The following IRS2 variants were observed in gnomAD, a reference collection of about 807,000 sequenced individuals.
IRS2 encodes insulin receptor substrate 2.
Under a neutral mutation model 70.9 loss-of-function variants are expected in IRS2, and 28 were observed. The ratio of observed to expected loss-of-function variants is 0.39; its 90% confidence interval spans 0.29 to 0.54. The LOEUF (loss-of-function observed/expected upper bound fraction) is 0.54, where lower values mean the gene tolerates loss of function less well. Ranked by LOEUF, IRS2 falls within the 20% of genes least tolerant of loss-of-function variation. The pLI is 0.59. For synonymous variants in IRS2, 1,217 were observed against 981.9 expected, an observed-to-expected ratio of 1.24 and a Z score of -4.48; for missense variants, 2,081 against 2,024.1, an observed-to-expected ratio of 1.03 and a Z score of -0.54.
At position 109,753,928 on chromosome 13, in the gene IRS2, C is replaced by T. The variant is rs556124400; in HGVS notation, c.*2376G>A. The T allele has an allele frequency of 1.3e-5, 3 of 232,050 alleles. No individual in the cohort carries two copies. The highest frequency in any genetic ancestry group is 6.6e-5 in the African/African-American group (3 of 45,362). The allele number at this position is 232,050 out of a possible 1,614,324, so 14.4% of individuals were successfully genotyped here. ...TACAGACTAAATACAATGCACTATT[C>T]TAGTCCAGTTTATTCTCGTCTCCAG... On this transcript the variant is annotated 3_prime_UTR_variant, in exon 2 of 2. Coordinates refer to ENST00000375856, the MANE Select transcript of IRS2 (RefSeq NM_003749.3).
At position 109,785,539 on chromosome 13, in the gene IRS2, C is replaced by T. The variant is rs775473608; in HGVS notation, c.515G>A (p.Gly172Asp). The T allele has an allele frequency of 8.3e-6, 13 of 1,565,504 alleles. No individual in the cohort carries two copies. The South Asian group carries it at 1.5e-4, about 18-fold the overall frequency. The change falls in exon 1 of 2, where the codon GGC becomes GAC. Residue 172 changes from glycine to aspartate, a missense_variant. This residue lies in a region of IRS2 where 320 missense variants were observed against 352.9 expected (regional missense o/e 0.91). Coordinates refer to ENST00000375856, the MANE Select transcript of IRS2 (RefSeq NM_003749.3). The surrounding 1 kb of genome is among the most constrained non-coding windows in gnomAD (Gnocchi z 9.3). ...SCSASLPGALGGSAGAAGAED... is the reference protein window; with the variant it reads ...SCSASLPGALDGSAGAAGAED... ...GGCCCCGGCGGCGCCGGCAGAGCCG[C>T]CCAGGGCGCCGGGCAGGGAGGCGCT...
chr13:109,774,536 C>G lies in IRS2; in HGVS notation c.4012+7506G>C, dbSNP rs564364984. Among the ~76,000 whole-genome samples, 4 of 152,196 alleles carry G rather than the reference C, an allele frequency of 2.6e-5. No individual in the cohort carries two copies. The East Asian group carries it at 7.7e-4, about 29-fold the overall frequency. Reference sequence around the variant, plus strand: ...ATATTAACTTAAATGTTGCTTGAGGCAAGGGTCTAGGATAAAATCCTAATG... The same window carrying G: ...ATATTAACTTAAATGTTGCTTGAGGGAAGGGTCTAGGATAAAATCCTAATG... On this transcript the variant is annotated intron_variant, in intron 1 of 1. Transcript: ENST00000375856.
At chr13:109,760,532 T>C (rs1209185440) in intron 1 of IRS2, among the ~76,000 whole-genome samples, 1 of 152,234 alleles carries the variant, frequency 6.6e-6, no homozygotes, top group Non-Finnish European at 1.5e-5. Flanking sequence ...ATGAGAGTTG[T>C]TCCATGTGAC....
At chr13:109,773,593 T>C (rs1456196165) in intron 1 of IRS2, among the ~76,000 whole-genome samples, 1 of 152,260 alleles carries the variant, frequency 6.6e-6, no homozygotes, top group African/African-American at 2.4e-5. Context: ...TTGTTTCCTT[T>C]TCTTTGATAA....
rs992825105 is a variant in IRS2 at position 109,782,890 on chromosome 13, C to G, written c.3164G>C (p.Gly1055Ala). 1.9e-6 allele frequency: 3 copies of G among 1,558,302 alleles called. No homozygotes were observed. Among genetic ancestry groups the G allele is most frequent in the Non-Finnish European group, 2.6e-6 (3 of 1,151,608 alleles). The part of the protein sequence containing the change: ...PPASAVATAQ[G>A]PGAASSLSSD... ...GGACAACGATGAGGCGGCGCCCGGG[C>G]CCTGGGCGGTGGCAACGGCCGAGGC... is the stretch of plus-strand genomic sequence containing the variant. Residue 1055 changes from glycine to alanine, a missense_variant, in exon 1 of 2, where the codon GGC becomes GCC. Around this residue, in one of 4 missense-constraint regions of IRS2, gnomAD observed 1,615 missense variants for 1,459.5 expected, o/e 1.11. Transcript: ENST00000375856.
intron 1 of IRS2, among the ~76,000 whole-genome samples, chr13:109,760,945 G>C (rs1877211940): frequency 6.6e-6 from 1 of 152,232 alleles, no homozygotes; most frequent in African/African-American, 2.4e-5. Context: ...CCTAGAACAT[G>C]TTGGAAATAA....
rs1405112911 is a variant in IRS2, at chr13:109,784,804, G to T, written c.1250C>A (p.Ala417Glu). 4 of 1,273,796 alleles carry T rather than the reference G, an allele frequency of 3.1e-6. No individual in the cohort carries two copies. The highest frequency in any genetic ancestry group is 3.1e-4 in the Middle Eastern group (1 of 3,278). The allele number at this position is 1,273,796 out of a possible 1,614,324, so 78.9% of individuals were successfully genotyped here. A position where few individuals can be genotyped will look rare whatever the true frequency, so the allele number is the denominator to read the frequency against. The change falls in exon 1 of 2, where the codon GCG (alanine) becomes GAG (glutamate). Residue 417 changes from alanine to glutamate, a missense_variant. Transcript: ENST00000375856. This position sits in a 1 kb window ranked among gnomAD's most constrained non-coding sequence, Gnocchi z 5.2. ...GGCGGRGSKV[A>E]LLPAGGALQH... ...CAGCGCGCCCCCTGCCGGCAGCAGCGCCACCTTGCTCCCGCGGCCGCCGCA... is the reference window on the plus strand; with the variant it reads ...CAGCGCGCCCCCTGCCGGCAGCAGCTCCACCTTGCTCCCGCGGCCGCCGCA...
chr13:109,785,835 G>C lies in IRS2; in HGVS notation c.219C>G (p.Leu73=), dbSNP rs1364090847. The C allele has an allele frequency of 7.8e-6, 12 of 1,545,372 alleles. No homozygotes were observed. The highest frequency in any genetic ancestry group is 1.2e-5 in the South Asian group (1 of 85,382). Residue 73 remains leucine (L), a synonymous_variant, in exon 1 of 2, where the codon CTC becomes CTG. Transcript: ENST00000375856. The surrounding 1 kb of genome is among the most constrained non-coding windows in gnomAD (Gnocchi z 9.3). ...ACTTTTTCTCGCTCTCGTAGTACTC[G>C]AGCCGCGGCGGTTGCGGCGCCGACC... The part of the protein sequence containing the change: ...GGGSAPQPPR[L]EYYESEKKWR...
chr13:109,774,167 C>G (rs1334642939), intron 1 of IRS2, among the ~76,000 whole-genome samples: 1 of 152,064 alleles, frequency 6.6e-6, no homozygotes, highest in Non-Finnish European at 1.5e-5. Context: ...AGGTATCTTA[C>G]CAAGTATCAT....
intron 1 of IRS2, among the ~76,000 whole-genome samples, chr13:109,775,902 C>A (rs1430239899): frequency 6.6e-6 from 1 of 152,152 alleles, no homozygotes; most frequent in African/African-American, 2.4e-5. Context: ...GCAATCCCAG[C>A]ACTTTGAGAG....
rs1328054135 is a variant in IRS2 at position 109,785,362 on chromosome 13, A to T, written c.692T>A (p.Leu231His). The change falls in exon 1 of 2, where the codon CTC becomes CAC. Residue 231 changes from leucine (L) to histidine (H), a missense_variant. Physicochemically the swap from Leu to His is moderately conservative, Grantham distance 99 (BLOSUM62 -3). This residue lies in a region of IRS2 where 320 missense variants were observed against 352.9 expected (regional missense o/e 0.91). Transcript: ENST00000375856. The surrounding 1 kb of genome is among the most constrained non-coding windows in gnomAD (Gnocchi z 9.3). Reference protein sequence around the residue: ...LSARTIGFVKLNCEQPSVTLQ... With the variant: ...LSARTIGFVKHNCEQPSVTLQ... The stretch of plus-strand genomic sequence containing the variant: ...CGTCACCGACGGCTGCTCGCAGTTG[A>T]GCTTCACGAAGCCGATGGTGCGCGC... 1 of 1,612,206 alleles carries T rather than the reference A, an allele frequency of 6.2e-7. No individual in the cohort carries two copies. The highest frequency in any genetic ancestry group is 8.5e-7 in the Non-Finnish European group (1 of 1,179,802).
In IRS2 at chr13:109,786,125, G is replaced by T; in HGVS notation, c.-72C>A. ...GGGGCGAGGGGCGGAGGGGGCGCGG[G>T]CGGGGGCGGCTCCCTCCCACCCTTG... On this transcript the variant is annotated 5_prime_UTR_variant, in exon 1 of 2. Transcript: ENST00000375856. This position sits in a 1 kb window ranked among gnomAD's most constrained non-coding sequence, Gnocchi z 4.4. 7 of 880,510 alleles carry T rather than the reference G, an allele frequency of 7.9e-6. No homozygotes were observed. The highest frequency in any genetic ancestry group is 8.1e-6 in the Non-Finnish European group (6 of 736,546). The allele number at this position is 880,510 out of a possible 1,614,324, so 54.5% of individuals were successfully genotyped here.
Position 109,785,522 on chromosome 13 carries a change from C to G in IRS2, c.532G>C (p.Ala178Pro). 2 of 1,599,484 alleles carry G rather than the reference C, an allele frequency of 1.3e-6. No individual in the cohort carries two copies. The highest frequency in any genetic ancestry group is 1.7e-6 in the Non-Finnish European group (2 of 1,173,600). Residue 178 changes from alanine (A) to proline (P), a missense_variant, in exon 1 of 2, where the codon GCC becomes CCC. This residue lies in a region of IRS2 where 320 missense variants were observed against 352.9 expected (regional missense o/e 0.91). Coordinates refer to ENST00000375856, the MANE Select transcript of IRS2 (RefSeq NM_003749.3). The surrounding 1 kb of genome is among the most constrained non-coding windows in gnomAD (Gnocchi z 9.3). ...PGALGGSAGA[A>P]GAEDSYGLVA... ...AGCCCGTAGCTGTCCTCGGCCCCGG[C>G]GGCGCCGGCAGAGCCGCCCAGGGCG...
rs752903655 is a variant in IRS2, at chr13:109,782,481, A to G, written c.3573T>C (p.Gly1191=). 6.4e-7 allele frequency: 1 copy of G among 1,557,392 alleles called. No individual in the cohort carries two copies. Among genetic ancestry groups the G allele is most frequent in the Admixed American group, 1.9e-5 (1 of 52,222 alleles). ...GCTCGTCGCCCCCTCCAGGGCCGAC[A>G]CCCACGCCGCCCTCGCTGCTTTTCC... ...SLRKSSEGGV[G]VGPGGGDEPP... The change falls in exon 1 of 2, where the codon GGT becomes GGC. Residue 1191 remains glycine (G), a synonymous_variant. Coordinates refer to ENST00000375856, the MANE Select transcript of IRS2 (RefSeq NM_003749.3).
In IRS2 at chr13:109,783,312, C is replaced by T; in HGVS notation, c.2742G>A (p.Lys914=). 1.3e-6 allele frequency: 2 copies of T among 1,549,606 alleles called. No homozygotes were observed. Among genetic ancestry groups the T allele is most frequent in the African/African-American group, 1.4e-5 (1 of 70,868 alleles). The stretch of plus-strand genomic sequence containing the variant: ...CGATGTTGATGTACTCGCCGGGGCT[C>T]TTGGGCTCCGGTGGCAGTGGGTACT... ...MHEYPLPPEP[K]SPGEYINIDF... is the part of the protein sequence containing the mutation. The change falls in exon 1 of 2, where the codon AAG becomes AAA. Residue 914 remains lysine (K), a synonymous_variant. Transcript: ENST00000375856.
In IRS2 at chr13:109,752,717, T is replaced by G. The variant is rs1410251425; in HGVS notation, c.*3587A>C. The G allele has an allele frequency of 6.6e-6, 1 of 152,204 alleles. No individual in the cohort carries two copies. The highest frequency in any genetic ancestry group is 2.4e-5 in the African/African-American group (1 of 41,438). 9.4% of individuals were successfully genotyped at this position (152,204 alleles called of 1,614,324 possible). A position where few individuals can be genotyped will look rare whatever the true frequency, so the allele number is the denominator to read the frequency against. The stretch of plus-strand genomic sequence containing the variant: ...ACCTTCCAAATTGCACTGATTTTAT[T>G]TGTTCAAAAGATAACACACACATTA... On this transcript the variant is annotated 3_prime_UTR_variant, in exon 2 of 2. Coordinates refer to ENST00000375856, the MANE Select transcript of IRS2 (RefSeq NM_003749.3).
intron 1 of IRS2, among the ~76,000 whole-genome samples, chr13:109,774,031 A>G (rs564269614): frequency 6.6e-6 from 1 of 152,340 alleles, no homozygotes; most frequent in South Asian, 2.1e-4. Flanking sequence ...AACCTTAAAT[A>G]ACTAAGTTAC....
rs1055890749 is a variant in IRS2, at chr13:109,756,398, T to G, written c.4013-90A>C. ...AGAAAGGGCCCCTCTAACCCACAGC[T>G]AGGACCTGGGTCATTTTCATAAACT... is the stretch of plus-strand genomic sequence containing the variant. On this transcript the variant is annotated intron_variant, in intron 1 of 1. Transcript: ENST00000375856. 5 of 1,055,538 alleles carry G rather than the reference T, an allele frequency of 4.7e-6. No homozygotes were observed. The Admixed American group carries it at 5.1e-5, about 11-fold the overall frequency. 65.4% of individuals were successfully genotyped at this position (1,055,538 alleles called of 1,614,324 possible).
At chr13:109,771,568 G>A (rs1877452021) in intron 1 of IRS2, among the ~76,000 whole-genome samples, 1 of 152,180 alleles carries the variant, frequency 6.6e-6, no homozygotes, top group African/African-American at 2.4e-5. Flanking sequence ...ATATAGAACT[G>A]GAAGAGGGTA....
Sources: allele counts gnomAD v4.1 joint callset (sites outside exome capture counted in the v4.1 genomes callset), GRCh38; gene constraint gnomAD v4.1.1; regional missense constraint gnomAD v4.1.1; non-coding constraint Gnocchi (gnomAD v3.1); transcripts MANE v1.5; gene names NCBI Gene and HGNC (gene_info 2026-07-23, HGNC 2026-07-21).